Variants in STK32B observed in about 807,000 individuals in gnomAD.
STK32B encodes serine/threonine-protein kinase 32B.
In STK32B, 43 loss-of-function variants were observed where a neutral mutation model predicts 52.6. The ratio of observed to expected loss-of-function variants is 0.82; its 90% CI spans 0.64 to 1.05. The LOEUF (loss-of-function observed/expected upper bound fraction) is 1.05, where lower values mean the gene tolerates loss of function less well. Among genes scored for constraint, STK32B ranks in the 50% least tolerant of loss-of-function variants. The pLI, the probability that STK32B is intolerant of heterozygous loss-of-function variation, is 0.00. For missense variants in STK32B, 621 were observed against 534.6 expected, an observed-to-expected ratio of 1.16 and a Z score of -1.59; for synonymous variants, 238 against 204.3, an observed-to-expected ratio of 1.17 and a Z score of -1.41.
In STK32B at chr4:5,120,305, A is replaced by G. The variant is rs574677007; in HGVS notation, c.53-19600A>G. 1.5e-3 allele frequency among the ~76,000 whole-genome samples: 223 copies of G among 152,320 alleles called. 2 individuals carry two copies. The highest frequency in any genetic ancestry group is 4.9e-3 in the African/African-American group (203 of 41,566). On this transcript the variant is annotated intron_variant, in intron 1 of 11. Coordinates refer to ENST00000282908, the MANE Select transcript of STK32B (RefSeq NM_018401.3). ...AGCCTAGCGCTCTGTCACAGTGCCT[A>G]CGTCATTCACTTCCCTTCATCTCAT...
intron 3 of STK32B, among the ~76,000 whole-genome samples, chr4:5,301,683 A>G (rs1729565962): frequency 7.3e-6 from 1 of 137,900 alleles, no homozygotes; most frequent in South Asian, 2.2e-4. Flanking sequence ...TTTTTTGGAC[A>G]GTCTAGCTAA....
intron 3 of STK32B, among the ~76,000 whole-genome samples, chr4:5,229,215 A>G (rs1256113452): frequency 2.8e-5 from 3 of 106,424 alleles, no homozygotes; most frequent in Admixed American, 2.0e-4. Context: ...AGGTACGTCT[A>G]TATTTAGTTT....
chr4:5,480,578 CG>C (rs753082918), intron 11 of STK32B, among the ~76,000 whole-genome samples: 10 of 151,662 alleles, frequency 6.6e-5, no homozygotes, highest in African/African-American at 1.2e-4. Flanking sequence ...GTGGAGACCA[CG>C]TTTTTTTTTT....
chr4:5,208,911 T>C (rs1560227511), intron 3 of STK32B, among the ~76,000 whole-genome samples: 1 of 152,228 alleles, frequency 6.6e-6, no homozygotes. Flanking sequence ...AAAACTTCAT[T>C]CTTTATAAAC....
intron 1 of STK32B, among the ~76,000 whole-genome samples, chr4:5,136,225 A>C (rs1339457532): frequency 6.6e-6 from 1 of 152,222 alleles, no homozygotes; most frequent in African/African-American, 2.4e-5. Flanking sequence ...TGAGCAAATA[A>C]TGCCGCCAAT....
chr4:5,497,454 G>A (rs894751200), intron 11 of STK32B, among the ~76,000 whole-genome samples: 1 of 152,202 alleles, frequency 6.6e-6, no homozygotes, highest in Non-Finnish European at 1.5e-5. Context: ...TCTGTCCTCT[G>A]GTTCCTGCCC....
At position 5,496,377 on chromosome 4, in the gene STK32B, C is replaced by T. The variant is rs183515532; in HGVS notation, c.1107-2568C>T. On this transcript the variant is annotated intron_variant, in intron 11 of 11. Transcript: ENST00000282908. ...GAGACTCCGTGGGCATAGGACCCTC[C>T]GAGCCAGGTGCGGGATATCTCCTGG... 1.1e-4 allele frequency among the ~76,000 whole-genome samples: 16 copies of T among 152,300 alleles called. No homozygotes were observed. In the Middle Eastern group the frequency reaches 0.014, roughly 130 times the overall value.
At chr4:5,250,777 T>C (rs1725873159) in intron 3 of STK32B, among the ~76,000 whole-genome samples, 1 of 152,246 alleles carries the variant, frequency 6.6e-6, no homozygotes, top group Non-Finnish European at 1.5e-5. Context: ...TGAGATGGCA[T>C]CTCATTGTGG....
intron 4 of STK32B, among the ~76,000 whole-genome samples, chr4:5,368,355 CATGAGTTAGGTCTACTATT>C: frequency 7.8e-6 from 1 of 128,948 alleles, no homozygotes; most frequent in Non-Finnish European, 1.8e-5. Context: ...CACACAACGT[CATGAGTTAGGTCTACTATT>C]ATTCCTAATT....
At chr4:5,298,300 G>T (rs1011530794) in intron 3 of STK32B, among the ~76,000 whole-genome samples, 4 of 152,188 alleles carry the variant, frequency 2.6e-5, no homozygotes, top group African/African-American at 9.6e-5. Flanking sequence ...TTCCTTAGGA[G>T]AGCTCAAGCA....
intron 3 of STK32B, among the ~76,000 whole-genome samples, chr4:5,315,639 G>C (rs180774320): frequency 8.2e-4 from 124 of 151,094 alleles, no homozygotes; most frequent in Non-Finnish European, 4.4e-5. Flanking sequence ...GGAAGGAATA[G>C]ATGGAGTAAG....
intron 3 of STK32B, among the ~76,000 whole-genome samples, chr4:5,279,533 C>A (rs1440264713): frequency 2.0e-5 from 3 of 152,182 alleles, no homozygotes; most frequent in Non-Finnish European, 4.4e-5. Context: ...TCCAGGTACA[C>A]AGTGCAAGCT....
In STK32B at chr4:5,395,292, A is replaced by C. The variant is rs957465207; in HGVS notation, c.435-2915A>C. On this transcript the variant is annotated intron_variant, in intron 4 of 11. Coordinates refer to ENST00000282908, the MANE Select transcript of STK32B (RefSeq NM_018401.3). The surrounding 1 kb of genome is among the most constrained non-coding windows in gnomAD (Gnocchi z 4.4). ...TAACTGAATTAAGGGGGTGACACCCATCACCTTTGTCAGCTTCCATGGCTA... is the reference window on the plus strand; with the variant it reads ...TAACTGAATTAAGGGGGTGACACCCCTCACCTTTGTCAGCTTCCATGGCTA... 6.6e-6 allele frequency among the ~76,000 whole-genome samples: 1 copy of C among 152,354 alleles called. No individual in the cohort carries two copies. Among genetic ancestry groups the C allele is most frequent in the Non-Finnish European group, 1.5e-5 (1 of 68,040 alleles).
At chr4:5,193,275 C>T (rs934059180) in intron 3 of STK32B, among the ~76,000 whole-genome samples, 6 of 152,168 alleles carry the variant, frequency 3.9e-5, no homozygotes, top group South Asian at 2.1e-4. Flanking sequence ...TCCTCTCCCT[C>T]GCCCCTCATC....
intron 4 of STK32B, among the ~76,000 whole-genome samples, chr4:5,397,770 T>C (rs1268479512): frequency 6.6e-6 from 1 of 152,254 alleles, no homozygotes; most frequent in Non-Finnish European, 1.5e-5. Context: ...AGCCGTAGTT[T>C]GCCCATCTCT....
chr4:5,243,960 G>A (rs571578296), intron 3 of STK32B, among the ~76,000 whole-genome samples: 2 of 152,216 alleles, frequency 1.3e-5, no homozygotes, highest in East Asian at 3.9e-4. Flanking sequence ...GCTTTTTGAT[G>A]TGCTGCTGGA....
chr4:5,092,740 A>G (rs1174491366), intron 1 of STK32B, among the ~76,000 whole-genome samples: 1 of 152,012 alleles, frequency 6.6e-6, no homozygotes, highest in African/African-American at 2.4e-5. Flanking sequence ...AGAACTCACT[A>G]TCCCGAGAAC....
At chr4:5,279,690 C>A (rs1203776342) in intron 3 of STK32B, among the ~76,000 whole-genome samples, 1 of 152,218 alleles carries the variant, frequency 6.6e-6, no homozygotes, top group African/African-American at 2.4e-5. Context: ...TCCATGAGGG[C>A]TCCGCCAGGT....
At chr4:5,208,641 A>G (rs1289019503) in intron 3 of STK32B, among the ~76,000 whole-genome samples, 1 of 152,086 alleles carries the variant, frequency 6.6e-6, no homozygotes, top group East Asian at 1.9e-4. Flanking sequence ...CCAAGGACTC[A>G]TATCTCCCTG....
Sources: gnomAD v4.1 joint callset for allele counts (sites outside exome capture counted in the v4.1 genomes callset) on GRCh38, gnomAD v4.1.1 for gene constraint, Gnocchi (gnomAD v3.1) non-coding constraint, MANE v1.5 for transcripts, NCBI Gene and HGNC (gene_info 2026-07-23, HGNC 2026-07-21) for gene names.